Variants in ARSB observed in about 807,000 individuals in gnomAD.
ARSB encodes the protein N-acetylgalactosamine-4-sulfatase.
A neutral mutation model predicts 50.9 loss-of-function variants in ARSB; 41 were observed. The observed-to-expected ratio is 0.81, with a 90% CI of 0.63 to 1.04. The LOEUF (loss-of-function observed/expected upper bound fraction) is 1.04, where lower values mean the gene tolerates loss of function less well. Ranked by LOEUF, ARSB falls within the 50% of genes least tolerant of loss-of-function variation. ARSB has a pLI of 0.00. For synonymous variants in ARSB, 269 were observed against 284.8 expected (o/e 0.94, Z 0.56); for missense variants, 672 against 693.3 (o/e 0.97, Z 0.35).
At chr5:78,975,618 T>C (rs1452372983) in intron 1 of ARSB, among the ~76,000 whole-genome samples, 4 of 152,196 alleles carry the variant, frequency 2.6e-5, no homozygotes, top group Non-Finnish European at 5.9e-5. Context: ...TTACTTTTCT[T>C]AACTATTTTC....
chr5:78,823,670 G>T (rs1311866610), intron 6 of ARSB, among the ~76,000 whole-genome samples: 1 of 152,120 alleles, frequency 6.6e-6, no homozygotes, highest in Non-Finnish European at 1.5e-5. Flanking sequence ...TTCACATAAG[G>T]AGAAAACCAG....
chr5:78,806,618 C>T (rs1417739235), intron 6 of ARSB, among the ~76,000 whole-genome samples: 1 of 152,208 alleles, frequency 6.6e-6, no homozygotes, highest in Admixed American at 6.5e-5. Context: ...TCACCCTGCG[C>T]TTTGCAGGTG....
At chr5:78,831,099 C>A (rs1224478288) in intron 6 of ARSB, among the ~76,000 whole-genome samples, 3 of 152,128 alleles carry the variant, frequency 2.0e-5, no homozygotes, top group African/African-American at 7.2e-5. Context: ...CACCCTGCCC[C>A]AATCGTAGCA....
At chr5:78,882,742 T>C (rs1234975570) in intron 5 of ARSB, 2 of 151,540 alleles carry the variant, frequency 1.3e-5, no homozygotes, top group African/African-American at 2.4e-5. Flanking sequence ...GACAAAATGT[T>C]TATAGTAGTT....
intron 5 of ARSB, among the ~76,000 whole-genome samples, chr5:78,854,979 G>A (rs911533109): frequency 6.6e-6 from 1 of 152,108 alleles, no homozygotes; most frequent in East Asian, 1.9e-4. Flanking sequence ...TGTTATTTGG[G>A]CCCTGGAAGA....
At chr5:78,784,344 GGTATACT>G in intron 6 of ARSB, among the ~76,000 whole-genome samples, 1 of 151,994 alleles carries the variant, frequency 6.6e-6, no homozygotes, top group Non-Finnish European at 1.5e-5. Context: ...AAAGGAAATC[GGTATACT>G]AAAGGGTTAC....
At chr5:78,823,006 G>A (rs1744298200) in intron 6 of ARSB, among the ~76,000 whole-genome samples, 1 of 152,098 alleles carries the variant, frequency 6.6e-6, no homozygotes, top group Non-Finnish European at 1.5e-5. Flanking sequence ...TTATTATTTT[G>A]TGGTTTTTCC....
chr5:78,952,522 A>T (rs1433296305), intron 4 of ARSB, among the ~76,000 whole-genome samples: 2 of 152,084 alleles, frequency 1.3e-5, no homozygotes, highest in East Asian at 1.9e-4. Flanking sequence ...TTTTTTGTAG[A>T]GACAGGGTTT....
chr5:78,873,742 G>T (rs996423466), intron 5 of ARSB, among the ~76,000 whole-genome samples: 1 of 151,702 alleles, frequency 6.6e-6, no homozygotes, highest in Non-Finnish European at 1.5e-5. Context: ...TGATCCGCCC[G>T]CCTCGGCCTC....
intron 1 of ARSB, among the ~76,000 whole-genome samples, chr5:78,969,678 G>A (rs769881895): frequency 3.9e-5 from 6 of 152,058 alleles, no homozygotes; most frequent in African/African-American, 1.2e-4. Flanking sequence ...GTGCAATGGC[G>A]CAATCTTGGC....
chr5:78,956,944 GA>G (rs530747531), intron 3 of ARSB, among the ~76,000 whole-genome samples: 27 of 147,878 alleles, frequency 1.8e-4, no homozygotes, highest in Admixed American at 1.6e-3. Flanking sequence ...TATTTTATGA[GA>G]AAAAAAGTGA....
At chr5:78,880,142 G>A (rs1028091642) in intron 5 of ARSB, among the ~76,000 whole-genome samples, 1 of 152,106 alleles carries the variant, frequency 6.6e-6, no homozygotes, top group East Asian at 1.9e-4. Context: ...TGCTAACACC[G>A]AAGAAAGATC....
Position 78,853,932 on chromosome 5 carries a change from G to C in ARSB, c.1143-14506C>G, listed in dbSNP as rs1024580373. ...TTGGAAAAGTGCAGTATTAGGGTGG[G>C]AGTGACCCAATTTTCCAGGTGCCGT... On this transcript the variant is annotated intron_variant, in intron 5 of 7. Coordinates refer to ENST00000264914, the MANE Select transcript of ARSB (RefSeq NM_000046.5). Among the ~76,000 whole-genome samples, 40 of 152,358 alleles carry C rather than the reference G, an allele frequency of 2.6e-4. 1 individual carries two copies. The highest frequency in any genetic ancestry group is 9.6e-4 in the African/African-American group (40 of 41,586).
At position 78,984,993 on chromosome 5, in the gene ARSB, A is replaced by G. The variant is rs1351078336; in HGVS notation, c.256T>C (p.Tyr86His). ...AAGGVLLDNYYTQPLCTPSRS... is the reference protein window; with the variant it reads ...AAGGVLLDNYHTQPLCTPSRS... ...GACGGCGTGCACAGCGGCTGCGTGT[A>G]GTAGTTGTCCAGGAGCACCCCGCCG... The change falls in exon 1 of 8, where the codon TAC (tyrosine) becomes CAC (histidine). Residue 86 changes from tyrosine to histidine, a missense_variant. Tyr to His is a moderately conservative substitution (Grantham distance 83). Coordinates refer to ENST00000264914, the MANE Select transcript of ARSB (RefSeq NM_000046.5). The G allele has an allele frequency of 6.5e-7, 1 of 1,535,180 alleles. No individual in the cohort carries two copies. Among genetic ancestry groups the G allele is most frequent in the Non-Finnish European group, 8.7e-7 (1 of 1,144,312 alleles).
chr5:78,838,567 T>C (rs1745046478), intron 6 of ARSB, among the ~76,000 whole-genome samples: 1 of 152,132 alleles, frequency 6.6e-6, no homozygotes. Flanking sequence ...TGGGCAGCAG[T>C]ATGTCCAGAA....
At chr5:78,946,495 A>G (rs541032663) in intron 4 of ARSB, among the ~76,000 whole-genome samples, 4 of 152,274 alleles carry the variant, frequency 2.6e-5, no homozygotes, top group Admixed American at 2.6e-4. Flanking sequence ...GAAATCAAGA[A>G]AGTTATCCCT....
rs1748828972 is a variant in ARSB, at chr5:78,778,365, T to C, written c.*2032A>G. On this transcript the variant is annotated 3_prime_UTR_variant, in exon 8 of 8. Transcript: ENST00000264914. ...ATTTTAATACAATACAGGTTAGTAG[T>C]GACCAGAAAATATTGCTACTGAATT... 1.3e-5 allele frequency: 2 copies of C among 152,258 alleles called. No individual in the cohort carries two copies. Among genetic ancestry groups the C allele is most frequent in the Non-Finnish European group, 2.9e-5 (2 of 68,046 alleles). 9.4% of individuals were successfully genotyped at this position (152,258 alleles called of 1,614,324 possible). A position where few individuals can be genotyped will look rare whatever the true frequency, so the allele number is the denominator to read the frequency against.
At chr5:78,904,324 A>G (rs1044847750) in intron 4 of ARSB, among the ~76,000 whole-genome samples, 4 of 152,120 alleles carry the variant, frequency 2.6e-5, no homozygotes, top group African/African-American at 9.7e-5. Flanking sequence ...TTGTGTGAAC[A>G]TGCTTTCATT....
chr5:78,915,667 T>C (rs1214111288), intron 4 of ARSB, among the ~76,000 whole-genome samples: 2 of 152,140 alleles, frequency 1.3e-5, no homozygotes, highest in Non-Finnish European at 2.9e-5. Flanking sequence ...CCAGAAGTGT[T>C]TGGGATTTAA....
Sources: gnomAD v4.1 joint callset for allele counts (sites outside exome capture counted in the v4.1 genomes callset) on GRCh38, gnomAD v4.1.1 for gene constraint, MANE v1.5 for transcripts, NCBI Gene and HGNC (gene_info 2026-07-23, HGNC 2026-07-21) for gene names.